The following KYNU variants were observed in gnomAD, a reference collection of about 807,000 sequenced individuals.
KYNU encodes kynureninase.
KYNU carries 54 observed loss-of-function variants against 59.2 expected under a neutral mutation model. The ratio of observed to expected loss-of-function variants is 0.91; its 90% CI spans 0.73 to 1.14. The LOEUF (loss-of-function observed/expected upper bound fraction) is 1.14, where lower values mean the gene tolerates loss of function less well. KYNU is among the 50% of genes most tolerant of loss of function. KYNU has a pLI of 0.00. For missense variants in KYNU, 567 were observed against 554.4 expected, an observed-to-expected ratio of 1.02 and a Z score of -0.23; for synonymous variants, 177 against 192.0, an observed-to-expected ratio of 0.92 and a Z score of 0.65.
Position 142,938,040 on chromosome 2 carries a change from G to A in KYNU, c.373+10299G>A, listed in dbSNP as rs189604726. Among the ~76,000 whole-genome samples the A allele has an allele frequency of 1.7e-3, 255 of 152,158 alleles. 1 individual carries two copies. In the South Asian group the frequency reaches 0.019, roughly 11 times the overall value. On this transcript the variant is annotated intron_variant, in intron 4 of 13. Coordinates refer to ENST00000264170, the MANE Select transcript of KYNU (RefSeq NM_003937.3). Reference sequence around the variant, plus strand: ...TTTGTAAGATAGGAACAAGGACTTCGGTAATTTTTTTTTACGGGTTAGAGT... The same window carrying A: ...TTTGTAAGATAGGAACAAGGACTTCAGTAATTTTTTTTTACGGGTTAGAGT...
chr2:142,935,326 C>G (rs542453233), intron 4 of KYNU, among the ~76,000 whole-genome samples: 4 of 152,234 alleles, frequency 2.6e-5, no homozygotes, highest in East Asian at 1.9e-4. Context: ...CTATGGGCAC[C>G]CTTTTTGAGT....
At chr2:142,940,877 C>T (rs1440412818) in intron 4 of KYNU, among the ~76,000 whole-genome samples, 1 of 152,176 alleles carries the variant, frequency 6.6e-6, no homozygotes, top group African/African-American at 2.4e-5. Flanking sequence ...AGAGCAATTT[C>T]AGAACTTTAC....
chr2:142,939,271 G>T (rs185563757), intron 4 of KYNU, among the ~76,000 whole-genome samples: 1 of 152,068 alleles, frequency 6.6e-6, no homozygotes, highest in African/African-American at 2.4e-5. Context: ...GGTTTTGTGC[G>T]ACTATGTTGT....
intron 10 of KYNU, among the ~76,000 whole-genome samples, chr2:143,001,295 C>T (rs1685703246): frequency 6.6e-6 from 1 of 152,150 alleles, no homozygotes; most frequent in African/African-American, 2.4e-5. Context: ...AGACTTTAAA[C>T]TATTGGACAG....
chr2:142,984,625 C>G (rs1464674496), intron 8 of KYNU, among the ~76,000 whole-genome samples: 1 of 151,978 alleles, frequency 6.6e-6, no homozygotes, highest in Non-Finnish European at 1.5e-5. Context: ...GTGTACTTCC[C>G]ACACTCAACA....
intron 2 of KYNU, among the ~76,000 whole-genome samples, chr2:142,903,946 G>A (rs913679232): frequency 6.6e-6 from 1 of 152,188 alleles, no homozygotes; most frequent in Non-Finnish European, 1.5e-5. Flanking sequence ...TGAGGGCCAT[G>A]ACTAAAGTGG....
At chr2:142,975,074 A>G (rs1558954065) in intron 8 of KYNU, among the ~76,000 whole-genome samples, 1 of 152,182 alleles carries the variant, frequency 6.6e-6, no homozygotes, top group Non-Finnish European at 1.5e-5. Context: ...TCAAGCCTGG[A>G]GACCATGGCC....
intron 10 of KYNU, among the ~76,000 whole-genome samples, chr2:143,012,337 G>T (rs962277964): frequency 1.3e-5 from 2 of 151,862 alleles, no homozygotes; most frequent in African/African-American, 4.8e-5. Flanking sequence ...CAAAAAGTTA[G>T]CTGGGCCTAG....
intron 10 of KYNU, among the ~76,000 whole-genome samples, chr2:143,014,906 C>T (rs763848033): frequency 6.6e-5 from 10 of 152,010 alleles, no homozygotes; most frequent in Admixed American, 5.9e-4. Flanking sequence ...TTTTTGGGTT[C>T]GTTTAGAGAC....
chr2:143,030,083 G>A (rs545383096), intron 11 of KYNU, among the ~76,000 whole-genome samples: 30 of 152,174 alleles, frequency 2.0e-4, no homozygotes, highest in Admixed American at 1.6e-3. Flanking sequence ...ATATCATCTT[G>A]TGTCATTGTT....
chr2:142,930,474 A>G (rs1006325065), intron 4 of KYNU, among the ~76,000 whole-genome samples: 1 of 152,130 alleles, frequency 6.6e-6, no homozygotes, highest in Non-Finnish European at 1.5e-5. Flanking sequence ...CTTAAACAAT[A>G]TAAGTTTATT....
intron 1 of KYNU, among the ~76,000 whole-genome samples, chr2:142,881,916 C>CTTTTT (rs869099302): frequency 2.8e-4 from 32 of 113,156 alleles, no homozygotes; most frequent in Non-Finnish European, 4.8e-4. Context: ...TTTCTTTTTT[C>CTTTTT]TTTTTTTTTT....
At chr2:142,995,118 A>G (rs911806976) in intron 10 of KYNU, among the ~76,000 whole-genome samples, 15 of 152,128 alleles carry the variant, frequency 9.9e-5, no homozygotes, top group African/African-American at 3.6e-4. Flanking sequence ...ATATTTCAAA[A>G]TAATAAGATA....
chr2:142,944,839 G>C (rs556609923), intron 4 of KYNU, among the ~76,000 whole-genome samples: 1 of 152,188 alleles, frequency 6.6e-6, no homozygotes, highest in Non-Finnish European at 1.5e-5. Flanking sequence ...GGTTGCTGCA[G>C]TAATGCAAAT....
Position 143,040,442 on chromosome 2 carries a change from G to A in KYNU, c.1056G>A (p.Ala352=), listed in dbSNP as rs576501053. 12 of 1,612,034 alleles carry A rather than the reference G, an allele frequency of 7.4e-6. 1 individual carries two copies. Among genetic ancestry groups the A allele is most frequent in the East Asian group, 4.5e-5 (2 of 44,842 alleles). ...TCATTCCACAGATCTTTAAGCAAGC[G>A]ACAATGAAGGCATTGCGGAAAAAAT... ...LHASLEIFKQ[A]TMKALRKKSV... Residue 352 remains alanine, a synonymous_variant, in exon 13 of 14, where the codon GCG becomes GCA. Transcript: ENST00000264170.
At chr2:142,958,485 G>T (rs941973750) in intron 7 of KYNU, among the ~76,000 whole-genome samples, 1 of 152,116 alleles carries the variant, frequency 6.6e-6, no homozygotes, top group Non-Finnish European at 1.5e-5. Context: ...CTCCCAGACC[G>T]CTAGTCATTG....
chr2:142,931,632 A>G (rs1182893990), intron 4 of KYNU, among the ~76,000 whole-genome samples: 6 of 152,194 alleles, frequency 3.9e-5, no homozygotes, highest in African/African-American at 1.4e-4. Flanking sequence ...GGGACTATAA[A>G]AAGAGGCTGC....
At chr2:143,021,182 C>G (rs1440761825) in intron 10 of KYNU, among the ~76,000 whole-genome samples, 1 of 151,900 alleles carries the variant, frequency 6.6e-6, no homozygotes, top group African/African-American at 2.4e-5. Context: ...AAAGATTAAC[C>G]CTTTTTAATA....
At chr2:142,952,586 G>A (rs1326580494) in intron 4 of KYNU, among the ~76,000 whole-genome samples, 1 of 151,964 alleles carries the variant, frequency 6.6e-6, no homozygotes, top group Non-Finnish European at 1.5e-5. Context: ...ATAGGAGCAT[G>A]CCACTACACC....
Sources: gnomAD v4.1 joint callset for allele counts (sites outside exome capture counted in the v4.1 genomes callset) on GRCh38, gnomAD v4.1.1 for gene constraint, MANE v1.5 for transcripts, NCBI Gene and HGNC (gene_info 2026-07-23, HGNC 2026-07-21) for gene names.